LATS2: variants seen among roughly 807,000 people sequenced by gnomAD.
The protein encoded by LATS2 is serine/threonine-protein kinase LATS2.
A neutral mutation model predicts 76.0 loss-of-function variants in LATS2; 24 were observed. The observed-to-expected ratio is 0.32, with a 90% CI of 0.23 to 0.44. LATS2 has a LOEUF of 0.44. Among genes scored for constraint, LATS2 ranks in the 20% least tolerant of loss-of-function variants. The pLI is 1.00. For synonymous variants in LATS2, 692 were observed against 635.4 expected (o/e 1.09, Z -1.34); for missense variants, 1,286 against 1,481.2 (o/e 0.87, Z 2.16).
intron 6 of LATS2, 90 bp downstream of exon 6, chr13:20,981,376 A>G: frequency 8.4e-7 from 1 of 1,186,276 alleles, no homozygotes; most frequent in Non-Finnish European, 1.2e-6. Flanking sequence ...TGGAAGCATT[A>G]GGTCCTTGGA....
chr13:21,058,188 T>G (rs149530843), intron 1 of LATS2, among the ~76,000 whole-genome samples: 1 of 152,254 alleles, frequency 6.6e-6, no homozygotes, highest in African/African-American at 2.4e-5. Context: ...ACAGAGTCAA[T>G]GCATTTGAAT....
At chr13:21,014,994 T>C (rs1871746248) in intron 2 of LATS2, among the ~76,000 whole-genome samples, 2 of 152,230 alleles carry the variant, frequency 1.3e-5, no homozygotes, top group South Asian at 2.1e-4. Flanking sequence ...AGGCCAGGCC[T>C]AGTGCGCTCA....
intron 2 of LATS2, among the ~76,000 whole-genome samples, chr13:21,000,512 A>AT (rs1359412910): frequency 6.6e-6 from 1 of 152,152 alleles, no homozygotes; most frequent in Non-Finnish European, 1.5e-5. Context: ...CGATTTAATG[A>AT]TTTTACTTCT....
intron 2 of LATS2, among the ~76,000 whole-genome samples, chr13:21,022,399 T>G (rs1872103265): frequency 6.6e-6 from 1 of 152,090 alleles, no homozygotes; most frequent in South Asian, 2.1e-4. Context: ...TGGCCTCAAG[T>G]TCCTCAAACA....
chr13:21,061,228 C>T (rs1056992074), intron 1 of LATS2, 118 bp downstream of exon 1: 1 of 152,004 alleles, frequency 6.6e-6, no homozygotes, highest in African/African-American at 2.4e-5. Context: ...CCGCCGGGCG[C>T]CCTTCCCGGA....
intron 2 of LATS2, among the ~76,000 whole-genome samples, chr13:21,031,702 G>A (rs1158796001): frequency 6.6e-6 from 1 of 152,052 alleles, no homozygotes; most frequent in Admixed American, 6.6e-5. Flanking sequence ...CTATAAAAAA[G>A]TTAAAAAGTG....
At position 21,045,758 on chromosome 13, in the gene LATS2, T is replaced by C; in HGVS notation, c.269A>G (p.Glu90Gly). Residue 90 changes from glutamate to glycine, a missense_variant, in exon 2 of 8, where the codon GAA becomes GGA. Glu to Gly is a moderately conservative substitution (Grantham distance 98). Coordinates refer to ENST00000382592, the MANE Select transcript of LATS2 (RefSeq NM_014572.3). ...TTCTGCAGCTGCAGAGGTGCCCGAT[T>C]CATTAGCAAAAGGCAACAAGGAATA... ...IRYSLLPFAN[E>G]SGTSAAAEVN... 6.2e-7 allele frequency: 1 copy of C among 1,614,220 alleles called. No homozygotes were observed. Among genetic ancestry groups the C allele is most frequent in the Non-Finnish European group, 8.5e-7 (1 of 1,180,030 alleles).
At chr13:20,979,872 AC>A (rs1365308616) in intron 6 of LATS2, 75 bp from the exon 7 acceptor site, 2 of 820,874 alleles carry the variant, frequency 2.4e-6, no homozygotes, top group African/African-American at 3.4e-5. Flanking sequence ...AAGATGCTGA[AC>A]ATACAGATTT....
intron 2 of LATS2, among the ~76,000 whole-genome samples, chr13:21,026,563 A>T (rs1056943676): frequency 2.0e-5 from 3 of 152,186 alleles, no homozygotes; most frequent in Non-Finnish European, 4.4e-5. Context: ...AAACTACTAT[A>T]AATATTTGTG....
intron 4 of LATS2, among the ~76,000 whole-genome samples, chr13:20,987,411 A>G (rs555476802): frequency 5.3e-5 from 8 of 152,330 alleles, no homozygotes; most frequent in Admixed American, 3.9e-4. Flanking sequence ...ACTAAGGTAT[A>G]TTTAAATCAT....
intron 2 of LATS2, among the ~76,000 whole-genome samples, chr13:21,026,646 G>A (rs996636171): frequency 2.6e-5 from 4 of 152,088 alleles, no homozygotes; most frequent in African/African-American, 4.8e-5. Flanking sequence ...TGAGACATAC[G>A]GTAGGTATGT....
intron 2 of LATS2, among the ~76,000 whole-genome samples, chr13:21,030,446 A>G (rs1305125978): frequency 6.6e-6 from 1 of 151,862 alleles, no homozygotes; most frequent in Non-Finnish European, 1.5e-5. Flanking sequence ...AAAATTAGCC[A>G]GCCGTGGTGG....
At position 20,988,935 on chromosome 13, in the gene LATS2, T is replaced by C; in HGVS notation, c.845A>G (p.Glu282Gly). ...GGGCAGGCTGGCGTAACCCCCGGTC[T>C]CCGGCGGCGTCTTGCTCTGGAAGGA... ...SPSFQSKTPP[E>G]TGGYASLPTK... The change falls in exon 4 of 8, where the codon GAG becomes GGG. Residue 282 changes from glutamate (E) to glycine (G), a missense_variant. This residue lies in a region of LATS2 where 710 missense variants were observed against 660.9 expected (regional missense o/e 1.07). Coordinates refer to ENST00000382592, the MANE Select transcript of LATS2 (RefSeq NM_014572.3). The C allele has an allele frequency of 1.3e-6, 2 of 1,525,986 alleles. No homozygotes were observed. The highest frequency in any genetic ancestry group is 1.8e-6 in the Non-Finnish European group (2 of 1,140,254). The allele number at this position is 1,525,986 out of a possible 1,614,324, so 94.5% of individuals were successfully genotyped here.
rs562859742 is a variant in LATS2 at position 21,056,576 on chromosome 13, T to C, written c.-205+4770A>G. ...GCAAGCGACCCAACAGGATGGGCCA[T>C]CTTATATTCAATTTCATAGCCCAGC... On this transcript the variant is annotated intron_variant, in intron 1 of 7. Transcript: ENST00000382592. Among the ~76,000 whole-genome samples the C allele has an allele frequency of 1.3e-3, 201 of 152,310 alleles. 1 individual carries two copies. The highest frequency in any genetic ancestry group is 4.3e-3 in the African/African-American group (180 of 41,570).
intron 2 of LATS2, among the ~76,000 whole-genome samples, chr13:21,024,944 C>T (rs982671685): frequency 1.3e-5 from 2 of 152,164 alleles, no homozygotes; most frequent in African/African-American, 2.4e-5. Flanking sequence ...CCCAGAGACA[C>T]GCACATTTAT....
At chr13:20,986,792 AC>A (rs1870161852) in intron 4 of LATS2, among the ~76,000 whole-genome samples, 2 of 152,226 alleles carry the variant, frequency 1.3e-5, no homozygotes, top group South Asian at 4.1e-4. Context: ...AATGATAAAT[AC>A]ACCAGGCAAT....
rs896927399 is a variant in LATS2 at position 20,991,628 on chromosome 13, A to C, written c.343-224T>G. 2.0e-5 allele frequency among the ~76,000 whole-genome samples: 3 copies of C among 152,190 alleles called. No individual in the cohort carries two copies. The highest frequency in any genetic ancestry group is 4.4e-5 in the Non-Finnish European group (3 of 68,036). ...GCACAAGCCACACCATAGACTATTTAGCCTTATGTCAAGGACATATGGGAA... is the reference window on the plus strand; with the variant it reads ...GCACAAGCCACACCATAGACTATTTCGCCTTATGTCAAGGACATATGGGAA... On this transcript the variant is annotated intron_variant, in intron 2 of 7. Coordinates refer to ENST00000382592, the MANE Select transcript of LATS2 (RefSeq NM_014572.3). This position sits in a 1 kb window ranked among gnomAD's most constrained non-coding sequence, Gnocchi z 4.9.
At position 21,046,080 on chromosome 13, in the gene LATS2, AT is replaced by A; in HGVS notation, c.-55del. On this transcript the variant is annotated 5_prime_UTR_variant, in exon 2 of 8. Transcript: ENST00000382592. ...TACAATCTTCTTAAAGTGTTTTATT[AT>A]TTAAAAAAAAAAACTGTCAATAGTA... is the stretch of plus-strand genomic sequence containing the variant. 8.2e-7 allele frequency: 1 copy of A among 1,223,018 alleles called. No individual in the cohort carries two copies. Among genetic ancestry groups the A allele is most frequent in the Non-Finnish European group, 1.1e-6 (1 of 876,774 alleles). 75.8% of individuals were successfully genotyped at this position (1,223,018 alleles called of 1,614,324 possible).
intron 2 of LATS2, among the ~76,000 whole-genome samples, chr13:21,043,848 A>C (rs936427058): frequency 6.6e-6 from 1 of 152,220 alleles, no homozygotes; most frequent in African/African-American, 2.4e-5. Flanking sequence ...CGCAAAGAAC[A>C]CAGGGGCTTG....
Sources: gnomAD v4.1 joint callset for allele counts (sites outside exome capture counted in the v4.1 genomes callset) on GRCh38, gnomAD v4.1.1 for gene constraint, gnomAD v4.1.1 regional missense constraint, Gnocchi (gnomAD v3.1) non-coding constraint, MANE v1.5 for transcripts, NCBI Gene and HGNC (gene_info 2026-07-23, HGNC 2026-07-21) for gene names.